ATP6V0D2: variants seen among roughly 807,000 people sequenced by gnomAD.
ATP6V0D2 encodes V-type proton ATPase subunit d 2.
In ATP6V0D2, 40 loss-of-function variants were observed where a neutral mutation model predicts 40.0. The ratio of observed to expected loss-of-function variants is 1.00; its 90% CI spans 0.78 to 1.30. The LOEUF (loss-of-function observed/expected upper bound fraction) is 1.30. Among genes scored for constraint, ATP6V0D2 ranks in the 50% most tolerant of loss-of-function variants. The probability of loss-of-function intolerance (pLI) is 0.00; values close to 1 mark genes in which losing one functional copy is unlikely to be tolerated. For missense variants in ATP6V0D2, 470 were observed against 423.1 expected, an observed-to-expected ratio of 1.11 and a Z score of -0.97; for synonymous variants, 179 against 156.3, an observed-to-expected ratio of 1.15 and a Z score of -1.08.
chr8:86,113,610 T>C, intron 1 of ATP6V0D2, 99 bp from the exon 2 acceptor site: 4 of 1,011,836 alleles, frequency 4.0e-6, no homozygotes, highest in Non-Finnish European at 5.8e-6. Context: ...ATAATACATA[T>C]GTATGTAACA....
chr8:86,151,984 G>A (rs924895929), intron 7 of ATP6V0D2, among the ~76,000 whole-genome samples: 1 of 151,940 alleles, frequency 6.6e-6, no homozygotes, highest in Non-Finnish European at 1.5e-5. Context: ...TGCAGGTTTT[G>A]TTATGTAGGT....
intron 5 of ATP6V0D2, among the ~76,000 whole-genome samples, chr8:86,146,669 G>A (rs1403235900): frequency 6.6e-6 from 1 of 152,118 alleles, no homozygotes; most frequent in Non-Finnish European, 1.5e-5. Context: ...TCCAGGCTGG[G>A]TGACGGAGTG....
rs772609602 is a variant in ATP6V0D2, at chr8:86,139,630, C to T, written c.476C>T (p.Pro159Leu). 56 of 1,590,212 alleles carry T rather than the reference C, an allele frequency of 3.5e-5. No individual in the cohort carries two copies. In the Middle Eastern group the frequency reaches 8.4e-4, roughly 24 times the overall value. The change falls in exon 3 of 8, where the codon CCA becomes CTA. Residue 159 changes from proline to leucine, a missense_variant. Coordinates refer to ENST00000285393, the MANE Select transcript of ATP6V0D2 (RefSeq NM_152565.1). Reference sequence around the variant, plus strand: ...TTTAATGCCATTCTGATCGAAACGCCATTAGGTAGGAACACTTAGGTAATT... The same window carrying T: ...TTTAATGCCATTCTGATCGAAACGCTATTAGGTAGGAACACTTAGGTAATT... ...DLFNAILIET[P>L]LAPFFQDCMS...
intron 2 of ATP6V0D2, among the ~76,000 whole-genome samples, chr8:86,131,412 G>A (rs1818824488): frequency 6.6e-6 from 1 of 152,014 alleles, no homozygotes; most frequent in South Asian, 2.1e-4. Flanking sequence ...TGTTGGCCAG[G>A]ATGGTCTCGA....
rs531616657 is a variant in ATP6V0D2, at chr8:86,132,975, C to G, written c.303-6482C>G. Reference sequence around the variant, plus strand: ...TATAAGAATCTCCTTTTTTCCACATCCTCTCTCCAGCATATTTTATTGTTT... The same window carrying G: ...TATAAGAATCTCCTTTTTTCCACATGCTCTCTCCAGCATATTTTATTGTTT... On this transcript the variant is annotated intron_variant, in intron 2 of 7. Transcript: ENST00000285393. Among the ~76,000 whole-genome samples, 61 of 152,212 alleles carry G rather than the reference C, an allele frequency of 4.0e-4. No individual in the cohort carries two copies. The South Asian group carries it at 8.1e-3, about 20-fold the overall frequency.
At chr8:86,113,927 G>T in intron 2 of ATP6V0D2, 47 bp downstream of exon 2, 3 of 1,532,582 alleles carry the variant, frequency 2.0e-6, no homozygotes, top group Non-Finnish European at 2.6e-6. Flanking sequence ...TACTCGTGCG[G>T]ATGACCCCTA....
At chr8:86,131,357 G>A (rs1007933379) in intron 2 of ATP6V0D2, among the ~76,000 whole-genome samples, 2 of 151,432 alleles carry the variant, frequency 1.3e-5, no homozygotes, top group Non-Finnish European at 2.9e-5. Context: ...ACACCAACAC[G>A]CTCAGCTAAT....
At chr8:86,121,388 G>A (rs1260262768) in intron 2 of ATP6V0D2, among the ~76,000 whole-genome samples, 2 of 152,188 alleles carry the variant, frequency 1.3e-5, no homozygotes, top group African/African-American at 2.4e-5. Context: ...TAGCCAAAAT[G>A]GTGAAACTCT....
chr8:86,116,596 T>C (rs1437338314), intron 2 of ATP6V0D2, among the ~76,000 whole-genome samples: 1 of 152,196 alleles, frequency 6.6e-6, no homozygotes, highest in African/African-American at 2.4e-5. Flanking sequence ...GCTAAATTAT[T>C]TTTATTTTTT....
At chr8:86,127,791 C>T (rs900782915) in intron 2 of ATP6V0D2, among the ~76,000 whole-genome samples, 4 of 152,200 alleles carry the variant, frequency 2.6e-5, no homozygotes, top group African/African-American at 7.2e-5. Context: ...GCCAACATCT[C>T]ACATAGTTCT....
At chr8:86,113,525 T>C (rs1335354205) in intron 1 of ATP6V0D2, among the ~76,000 whole-genome samples, 184 bp from the exon 2 acceptor site, 2 of 152,190 alleles carry the variant, frequency 1.3e-5, no homozygotes, top group Non-Finnish European at 2.9e-5. Flanking sequence ...GGATTATCCA[T>C]ATTCACATAA....
intron 2 of ATP6V0D2, among the ~76,000 whole-genome samples, chr8:86,129,546 T>C (rs1310933730): frequency 6.6e-6 from 1 of 151,986 alleles, no homozygotes; most frequent in Non-Finnish European, 1.5e-5. Flanking sequence ...GCACAGTGTT[T>C]CATGCCTGTA....
At chr8:86,130,193 T>G (rs1365824251) in intron 2 of ATP6V0D2, among the ~76,000 whole-genome samples, 1 of 152,112 alleles carries the variant, frequency 6.6e-6, no homozygotes, top group Non-Finnish European at 1.5e-5. Context: ...CCCATTCACT[T>G]TGTGACAATT....
At position 86,142,924 on chromosome 8, in the gene ATP6V0D2, C is replaced by T. The variant is rs1459177873; in HGVS notation, c.609C>T (p.Val203=). The change falls in exon 5 of 8, where the codon GTC becomes GTT. Residue 203 remains valine (V), a synonymous_variant. Transcript: ENST00000285393. The part of the protein sequence containing the change: ...FYKFCKNHGD[V]TAEVMCPILE... Reference sequence around the variant, plus strand: ...AATTCTGTAAGAATCATGGTGATGTCACAGCAGAAGTTATGTGTCCCATTC... The same window carrying T: ...AATTCTGTAAGAATCATGGTGATGTTACAGCAGAAGTTATGTGTCCCATTC... 1.2e-6 allele frequency: 2 copies of T among 1,610,516 alleles called. No individual in the cohort carries two copies. The highest frequency in any genetic ancestry group is 1.7e-6 in the Non-Finnish European group (2 of 1,178,036).
intron 1 of ATP6V0D2, 21 bp from the exon 2 acceptor site, chr8:86,113,688 T>G: frequency 6.3e-7 from 1 of 1,577,540 alleles, no homozygotes. Flanking sequence ...TAACCTGAAT[T>G]GGGGTTTCAT....
At chr8:86,150,759 G>A (rs77114521) in intron 6 of ATP6V0D2, among the ~76,000 whole-genome samples, 2,108 of 152,278 alleles carry the variant, frequency 0.014, 49 homozygotes, top group African/African-American at 0.048. Context: ...CCAGAAATCA[G>A]GAGAGGAAAC....
intron 5 of ATP6V0D2, among the ~76,000 whole-genome samples, chr8:86,145,235 G>GAAAGAAAGAA (rs1299284800): frequency 2.8e-3 from 119 of 42,770 alleles, no homozygotes; most frequent in Middle Eastern, 7.9e-3. Context: ...AAGAAAGAAA[G>GAAAGAAAGAA]AGAGAGAGAG....
intron 2 of ATP6V0D2, among the ~76,000 whole-genome samples, chr8:86,128,644 C>T (rs190729675): frequency 1.4e-4 from 22 of 152,158 alleles, no homozygotes; most frequent in African/African-American, 4.6e-4. Flanking sequence ...TTTTGAAGTT[C>T]GGATAACTTA....
At chr8:86,150,004 T>TC in intron 5 of ATP6V0D2, 108 bp from the exon 6 acceptor site, 1 of 1,063,524 alleles carries the variant, frequency 9.4e-7, no homozygotes, top group Non-Finnish European at 1.4e-6. Flanking sequence ...TAGACATAGA[T>TC]CCAGAAAGGA....
Sources: gnomAD v4.1 joint callset for allele counts (sites outside exome capture counted in the v4.1 genomes callset) on GRCh38, gnomAD v4.1.1 for gene constraint, MANE v1.5 for transcripts, NCBI Gene and HGNC (gene_info 2026-07-23, HGNC 2026-07-21) for gene names.